Variants in AGBL4 observed in about 807,000 individuals in gnomAD.
AGBL4 encodes cytosolic carboxypeptidase 6.
In AGBL4, 58 loss-of-function variants were observed where a neutral mutation model predicts 66.4. The observed-to-expected ratio is 0.87, with a 90% CI of 0.71 to 1.09. The LOEUF (loss-of-function observed/expected upper bound fraction) is 1.09, where lower values mean the gene tolerates loss of function less well. AGBL4 is among the 50% of genes least tolerant of loss of function. The pLI is 0.00. For missense variants in AGBL4, 579 were observed against 631.0 expected, an observed-to-expected ratio of 0.92 and a Z score of 0.88; for synonymous variants, 234 against 222.9, an observed-to-expected ratio of 1.05 and a Z score of -0.44.
At chr1:49,518,440 A>G (rs947378802) in intron 3 of AGBL4, among the ~76,000 whole-genome samples, 1 of 152,108 alleles carries the variant, frequency 6.6e-6, no homozygotes, top group Non-Finnish European at 1.5e-5. Context: ...AAGCTAAATA[A>G]GATAGAGATG....
At chr1:49,043,033 G>T (rs1643984430) in intron 5 of AGBL4, among the ~76,000 whole-genome samples, 1 of 152,114 alleles carries the variant, frequency 6.6e-6, no homozygotes, top group African/African-American at 2.4e-5. Flanking sequence ...AATGTTATGA[G>T]TAATGAATGA....
chr1:48,725,311 G>A (rs1051647133), intron 6 of AGBL4, among the ~76,000 whole-genome samples: 12 of 152,114 alleles, frequency 7.9e-5, no homozygotes, highest in African/African-American at 2.9e-4. Context: ...CAGACCTACC[G>A]AATCAGGCTC....
chr1:49,699,567 G>A (rs1391646746), intron 2 of AGBL4, among the ~76,000 whole-genome samples: 1 of 151,884 alleles, frequency 6.6e-6, no homozygotes, highest in African/African-American at 2.4e-5. Flanking sequence ...TATGTAAATG[G>A]ATTAAAATTA....
chr1:49,678,495 G>A (rs1458961444), intron 3 of AGBL4, among the ~76,000 whole-genome samples: 3 of 151,962 alleles, frequency 2.0e-5, no homozygotes, highest in African/African-American at 7.3e-5. Flanking sequence ...CCCTCAGTTT[G>A]CATTGGGTTA....
chr1:48,979,738 G>GACA (rs1160186679), intron 5 of AGBL4, among the ~76,000 whole-genome samples: 4 of 151,998 alleles, frequency 2.6e-5, no homozygotes, highest in African/African-American at 4.8e-5. Context: ...ATGTAAGAAA[G>GACA]ACACTGGATT....
At chr1:49,958,468 G>T (rs546442814) in intron 1 of AGBL4, among the ~76,000 whole-genome samples, 2 of 152,054 alleles carry the variant, frequency 1.3e-5, no homozygotes, top group South Asian at 4.2e-4. Context: ...TGGTAGACTG[G>T]ATTAAGAAAA....
intron 3 of AGBL4, among the ~76,000 whole-genome samples, chr1:49,429,976 C>T (rs114348782): frequency 0.011 from 1,652 of 151,948 alleles, 26 homozygotes; most frequent in African/African-American, 0.038. Context: ...CCCAAAGTAG[C>T]TGGGACTACA....
At chr1:48,775,659 G>T (rs1474168746) in intron 6 of AGBL4, among the ~76,000 whole-genome samples, 4 of 152,162 alleles carry the variant, frequency 2.6e-5, no homozygotes, top group African/African-American at 9.7e-5. Context: ...AGGGCCAGCT[G>T]TCTTCTCTTT....
chr1:48,723,582 T>G (rs1647183679), intron 6 of AGBL4, among the ~76,000 whole-genome samples: 1 of 152,218 alleles, frequency 6.6e-6, no homozygotes, highest in Admixed American at 6.5e-5. Context: ...ATAAGAAAAC[T>G]AAACACAGAA....
At chr1:48,915,052 T>C (rs1429708664) in intron 5 of AGBL4, among the ~76,000 whole-genome samples, 2 of 152,248 alleles carry the variant, frequency 1.3e-5, no homozygotes, top group African/African-American at 4.8e-5. Context: ...GAAATCTCTA[T>C]CGTGTTATTT....
rs370637915 is a variant in AGBL4 at position 48,549,661 on chromosome 1, T to A, written c.1268-9923A>T. 1.1e-3 allele frequency among the ~76,000 whole-genome samples: 168 copies of A among 151,506 alleles called. 1 individual carries two copies. Among genetic ancestry groups the A allele is most frequent in the African/African-American group, 4.0e-3 (166 of 41,242 alleles). On this transcript the variant is annotated intron_variant, in intron 11 of 13. Coordinates refer to ENST00000371839, the MANE Select transcript of AGBL4 (RefSeq NM_032785.4). Reference sequence around the variant, plus strand: ...AGGCAAGAAGATAAGGAGAGAAGGATAATCAGAGAGGCTGAGAGAGACTCA... The same window carrying A: ...AGGCAAGAAGATAAGGAGAGAAGGAAAATCAGAGAGGCTGAGAGAGACTCA...
At chr1:48,932,950 G>T (rs1655155817) in intron 5 of AGBL4, among the ~76,000 whole-genome samples, 1 of 151,926 alleles carries the variant, frequency 6.6e-6, no homozygotes, top group Admixed American at 6.6e-5. Flanking sequence ...ACAGTATTTG[G>T]TAATCTTACA....
chr1:49,987,972 A>C (rs931705924), intron 1 of AGBL4, among the ~76,000 whole-genome samples: 6 of 151,700 alleles, frequency 4.0e-5, no homozygotes, highest in African/African-American at 1.2e-4. Context: ...AAAAACCCCT[A>C]TTCTTTTTTA....
intron 1 of AGBL4, among the ~76,000 whole-genome samples, chr1:49,877,522 G>C (rs1382670796): frequency 6.6e-6 from 1 of 151,264 alleles, no homozygotes; most frequent in Non-Finnish European, 1.5e-5. Flanking sequence ...CTTGATCATG[G>C]TGGATAAGCT....
At chr1:49,584,174 G>T (rs1442770889) in intron 3 of AGBL4, among the ~76,000 whole-genome samples, 1 of 152,168 alleles carries the variant, frequency 6.6e-6, no homozygotes, top group African/African-American at 2.4e-5. Flanking sequence ...GGCTTTCTGA[G>T]ACCAGAAACT....
At chr1:49,334,326 T>A (rs1223269733) in intron 3 of AGBL4, among the ~76,000 whole-genome samples, 1 of 152,196 alleles carries the variant, frequency 6.6e-6, no homozygotes, top group Non-Finnish European at 1.5e-5. Flanking sequence ...GACCTCATAC[T>A]TCTCTTTTCT....
At chr1:48,697,297 G>A (rs1293286434) in intron 6 of AGBL4, among the ~76,000 whole-genome samples, 2 of 152,138 alleles carry the variant, frequency 1.3e-5, no homozygotes, top group Non-Finnish European at 2.9e-5. Flanking sequence ...ACCTGCTGGT[G>A]ACTTCCAGCA....
intron 3 of AGBL4, among the ~76,000 whole-genome samples, chr1:49,364,062 G>A (rs1388751875): frequency 2.0e-5 from 3 of 152,160 alleles, no homozygotes; most frequent in Admixed American, 6.5e-5. Context: ...TTCAGTAAGC[G>A]GGAAGAAATT....
At chr1:48,844,071 A>ACAC (rs1646860647) in intron 6 of AGBL4, among the ~76,000 whole-genome samples, 1 of 152,098 alleles carries the variant, frequency 6.6e-6, no homozygotes, top group African/African-American at 2.4e-5. Flanking sequence ...CTGCCCCCCA[A>ACAC]CACCAGCCAT....
Sources: gnomAD v4.1 joint callset for allele counts (sites outside exome capture counted in the v4.1 genomes callset) on GRCh38, gnomAD v4.1.1 for gene constraint, MANE v1.5 for transcripts, NCBI Gene and HGNC (gene_info 2026-07-23, HGNC 2026-07-21) for gene names.